Variants in PTK2 observed in about 807,000 individuals in gnomAD.
The protein encoded by PTK2 is focal adhesion kinase 1.
Under a neutral mutation model 150.1 loss-of-function variants are expected in PTK2, and 45 were observed. The observed-to-expected ratio is 0.30, with a 90% confidence interval of 0.24 to 0.38. The LOEUF (loss-of-function observed/expected upper bound fraction) is 0.38, where lower values mean the gene tolerates loss of function less well. Ranked by LOEUF, PTK2 falls within the 10% of genes least tolerant of loss-of-function variation. PTK2 has a pLI of 1.00. For missense variants in PTK2, 919 were observed against 1,307.3 expected (o/e 0.70, Z 4.58); for synonymous variants, 432 against 449.2 (o/e 0.96, Z 0.48).
intron 8 of PTK2, among the ~76,000 whole-genome samples, chr8:140,829,619 T>C (rs1343060253): frequency 3.9e-5 from 6 of 152,160 alleles, no homozygotes; most frequent in South Asian, 4.1e-4. Flanking sequence ...CTTCTCCTGC[T>C]TGGGCTTCAG....
intron 1 of PTK2, among the ~76,000 whole-genome samples, chr8:140,957,594 C>A (rs545985778): frequency 6.6e-6 from 1 of 152,224 alleles, no homozygotes; most frequent in African/African-American, 2.4e-5. Flanking sequence ...CACACACTCA[C>A]TGACTCACCC....
rs529495460 is a variant in PTK2, at chr8:140,977,554, G to A, written c.-122+23571C>T. Among the ~76,000 whole-genome samples the A allele has an allele frequency of 2.3e-4, 35 of 151,826 alleles. 2 individuals are homozygous for A. In the Middle Eastern group the frequency reaches 0.014, roughly 59 times the overall value. On this transcript the variant is annotated intron_variant, in intron 1 of 31. Coordinates refer to ENST00000522684, the Ensembl canonical transcript of PTK2. The stretch of plus-strand genomic sequence containing the variant: ...GGAGAACTGCTTGCACCCAGGAGGC[G>A]GAGGTTGCAGTGAGACGAGACAGCA...
chr8:140,915,826 T>G lies in PTK2; in HGVS notation c.-33+9835A>C, dbSNP rs577579838. ...CTGAGGCAGGAGAATCACTTGAACC[T>G]GGGAGGTGGAGGTTGCAGGGAGCCA... On this transcript the variant is annotated intron_variant, in intron 2 of 31. Transcript: ENST00000522684. 1.6e-4 allele frequency among the ~76,000 whole-genome samples: 25 copies of G among 152,010 alleles called. 1 individual carries two copies. In the East Asian group the frequency reaches 4.8e-3, roughly 29 times the overall value.
At chr8:140,995,241 G>A (rs965203259) in intron 1 of PTK2, among the ~76,000 whole-genome samples, 2 of 151,926 alleles carry the variant, frequency 1.3e-5, no homozygotes, top group Non-Finnish European at 2.9e-5. Flanking sequence ...AAATTAGCCA[G>A]GCATGGTGGC....
intron 1 of PTK2, among the ~76,000 whole-genome samples, chr8:140,960,559 T>A (rs1259495571): frequency 6.6e-6 from 1 of 152,134 alleles, no homozygotes; most frequent in Non-Finnish European, 1.5e-5. Context: ...TAAACTAGGA[T>A]GAATCCATCA....
chr8:140,821,658 G>T (rs1027665149), intron 8 of PTK2: 2 of 152,176 alleles, frequency 1.3e-5, no homozygotes, highest in African/African-American at 4.8e-5. Flanking sequence ...TAAATACATG[G>T]GACTAGATGG....
At chr8:140,795,712 T>C (rs192680288) in intron 12 of PTK2, among the ~76,000 whole-genome samples, 2 of 152,332 alleles carry the variant, frequency 1.3e-5, no homozygotes, top group East Asian at 3.9e-4. Flanking sequence ...CCTAGAACTG[T>C]GCCTGGAAAA....
chr8:140,699,265 G>A (rs942803547), intron 26 of PTK2, among the ~76,000 whole-genome samples: 8 of 152,104 alleles, frequency 5.3e-5, no homozygotes, highest in Non-Finnish European at 1.0e-4. Flanking sequence ...ATGAATCCTG[G>A]CTTCTTTCAG....
chr8:140,800,613 T>A, intron 11 of PTK2, 37 bp from the exon 12 acceptor site: 1 of 1,515,738 alleles, frequency 6.6e-7, no homozygotes, highest in South Asian at 1.1e-5. Flanking sequence ...GACTTCATTG[T>A]TCTTCCCAGT....
chr8:140,673,045 T>G (rs983629614), intron 29 of PTK2, among the ~76,000 whole-genome samples: 1 of 152,146 alleles, frequency 6.6e-6, no homozygotes, highest in East Asian at 1.9e-4. Flanking sequence ...AAGCAAAGTT[T>G]ATCTTAACCT....
intron 9 of PTK2, 130 bp downstream of exon 9, chr8:140,818,750 G>GA (rs1288094532): frequency 3.7e-6 from 4 of 1,073,158 alleles, no homozygotes; most frequent in African/African-American, 1.7e-5. Flanking sequence ...ATGGTAAAAT[G>GA]AAAAAATATC....
At chr8:140,664,537 G>A (rs367799044) in intron 31 of PTK2, among the ~76,000 whole-genome samples, 10 of 152,250 alleles carry the variant, frequency 6.6e-5, no homozygotes, top group Admixed American at 2.0e-4. Context: ...CACAATGCCC[G>A]CCCCATTCAT....
At chr8:140,807,017 C>T (rs1596393569) in intron 10 of PTK2, among the ~76,000 whole-genome samples, 1 of 152,136 alleles carries the variant, frequency 6.6e-6, no homozygotes, top group Non-Finnish European at 1.5e-5. Flanking sequence ...AGAAGGAAAG[C>T]CCCATGAGGA....
chr8:140,662,554 T>G, intron 31 of PTK2: 1 of 399,974 alleles, frequency 2.5e-6, no homozygotes. Flanking sequence ...GAGAACCCCA[T>G]TTGGTTGGGA....
At chr8:140,930,947 A>G (rs1291716443) in intron 1 of PTK2, among the ~76,000 whole-genome samples, 1 of 151,734 alleles carries the variant, frequency 6.6e-6, no homozygotes, top group Admixed American at 6.6e-5. Context: ...GGTGGCATAC[A>G]CCTGTAACTC....
intron 1 of PTK2, among the ~76,000 whole-genome samples, chr8:140,926,949 A>G (rs1381004485): frequency 6.6e-6 from 1 of 152,202 alleles, no homozygotes; most frequent in Non-Finnish European, 1.5e-5. Flanking sequence ...GTTTTGACAT[A>G]TATACAGAGA....
chr8:140,963,137 GC>G (rs1232688457), intron 1 of PTK2, among the ~76,000 whole-genome samples: 1 of 150,900 alleles, frequency 6.6e-6, no homozygotes, highest in Admixed American at 6.6e-5. Flanking sequence ...CTCTAATACA[GC>G]CTATATATGT....
At chr8:140,664,412 G>A (rs529139070) in intron 31 of PTK2, among the ~76,000 whole-genome samples, 31 of 152,318 alleles carry the variant, frequency 2.0e-4, no homozygotes, top group Non-Finnish European at 3.7e-4. Flanking sequence ...GATTACGGGC[G>A]TGAGCTACCA....
In PTK2 at chr8:140,763,614, C is replaced by T. The variant is rs2100070571; in HGVS notation, c.1234+620G>A. On this transcript the variant is annotated intron_variant, in intron 15 of 31. Coordinates refer to ENST00000522684, the Ensembl canonical transcript of PTK2. Reference sequence around the variant, plus strand: ...CTGGGGCTTCAAGATTTTCCTTAATCAACAAGCTGCACATCACAGAGAGAA... The same window carrying T: ...CTGGGGCTTCAAGATTTTCCTTAATTAACAAGCTGCACATCACAGAGAGAA... Among the ~76,000 whole-genome samples, 3 of 152,072 alleles carry T rather than the reference C, an allele frequency of 2.0e-5. No homozygotes were observed. In the South Asian group the frequency reaches 6.2e-4, roughly 32 times the overall value.
Sources: gnomAD v4.1 joint callset for allele counts (sites outside exome capture counted in the v4.1 genomes callset) on GRCh38, gnomAD v4.1.1 for gene constraint, MANE v1.5 for transcripts, NCBI Gene and HGNC (gene_info 2026-07-23, HGNC 2026-07-21) for gene names.